The following MRRF variants were observed in gnomAD, a reference collection of about 807,000 sequenced individuals.
MRRF encodes the protein ribosome-recycling factor, mitochondrial.
In MRRF, 18 loss-of-function variants were observed where a neutral mutation model predicts 25.1. The ratio of observed to expected loss-of-function variants is 0.72; its 90% CI spans 0.50 to 1.06. The LOEUF (loss-of-function observed/expected upper bound fraction) is 1.06, where lower values mean the gene tolerates loss of function less well. Among genes scored for constraint, MRRF ranks in the 50% least tolerant of loss-of-function variants. The pLI is 0.00. For synonymous variants in MRRF, 113 were observed against 112.1 expected (o/e 1.01, Z -0.05); for missense variants, 323 against 319.3 (o/e 1.01, Z -0.09).
chr9:122,265,716 G>A (rs906980988), intron 1 of MRRF: 2 of 1,283,382 alleles, frequency 1.6e-6, no homozygotes, highest in East Asian at 5.6e-5. Flanking sequence ...TGGTAGAGCT[G>A]CCGCAAATGC....
chr9:122,265,458 A>G (rs1166747047), intron 1 of MRRF: 1 of 324,106 alleles, frequency 3.1e-6, no homozygotes, highest in Non-Finnish European at 6.1e-6. Context: ...TTTACGTTTT[A>G]CAGATGAGAC....
In MRRF at chr9:122,286,268, A is replaced by G. The variant is rs1242998446; in HGVS notation, c.459+981A>G. 6 of 1,168,952 alleles carry G rather than the reference A, an allele frequency of 5.1e-6. No individual in the cohort carries two copies. The African/African-American group carries it at 6.4e-5, about 12-fold the overall frequency. The allele number at this position is 1,168,952 out of a possible 1,614,324, so 72.4% of individuals were successfully genotyped here. A position where few individuals can be genotyped will look rare whatever the true frequency, so the allele number is the denominator to read the frequency against. ...GTATTTGACAAACTAGGCTAGAGAT[A>G]GGAGAAAGGGAAAGCCCTTGCTGTG... On this transcript the variant is annotated intron_variant, in intron 4 of 6. Coordinates refer to ENST00000344641, the MANE Select transcript of MRRF (RefSeq NM_138777.5).
At chr9:122,269,154 A>G (rs1294830109) in intron 1 of MRRF, among the ~76,000 whole-genome samples, 1 of 150,432 alleles carries the variant, frequency 6.6e-6, no homozygotes, top group Non-Finnish European at 1.5e-5. Flanking sequence ...CGACAGAGTG[A>G]GACTCTGTCT....
chr9:122,276,330 G>T (rs770721987), intron 2 of MRRF, among the ~76,000 whole-genome samples: 12 of 151,798 alleles, frequency 7.9e-5, no homozygotes, highest in Admixed American at 2.0e-4. Context: ...TTGCTTTGTT[G>T]CCTAGGCTGG....
At chr9:122,305,856 C>T (rs1022504920) in intron 5 of MRRF, among the ~76,000 whole-genome samples, 11 of 152,170 alleles carry the variant, frequency 7.2e-5, no homozygotes, top group African/African-American at 2.7e-4. Context: ...TTCCTAGGCC[C>T]TCAAACAGAG....
rs1836185747 is a variant in MRRF, at chr9:122,328,007, T to C, written c.*5390T>C. The C allele has an allele frequency of 6.6e-6, 1 of 152,178 alleles. No homozygotes were observed. Among genetic ancestry groups the C allele is most frequent in the Non-Finnish European group, 1.5e-5 (1 of 68,046 alleles). 9.4% of individuals were successfully genotyped at this position (152,178 alleles called of 1,614,324 possible). A position where few individuals can be genotyped will look rare whatever the true frequency, so the allele number is the denominator to read the frequency against. On this transcript the variant is annotated 3_prime_UTR_variant, in exon 7 of 7. Transcript: ENST00000344641. ...TTTTTTTAGACAGGGTCTTGCTCTGTCACTCAGGCTGGATTTCAGTGGCAT... is the reference window on the plus strand; with the variant it reads ...TTTTTTTAGACAGGGTCTTGCTCTGCCACTCAGGCTGGATTTCAGTGGCAT...
chr9:122,293,083 A>C (rs1009469920), intron 5 of MRRF, among the ~76,000 whole-genome samples: 2 of 152,130 alleles, frequency 1.3e-5, no homozygotes, highest in African/African-American at 4.8e-5. Flanking sequence ...TGGAATGTCA[A>C]GTGATAGTAA....
intron 4 of MRRF, among the ~76,000 whole-genome samples, chr9:122,286,824 C>A (rs1386301433): frequency 6.6e-6 from 1 of 152,176 alleles, no homozygotes; most frequent in African/African-American, 2.4e-5. Flanking sequence ...AGTCCAAAAT[C>A]CTCACTGTGG....
chr9:122,297,778 T>C (rs945524302), intron 5 of MRRF, among the ~76,000 whole-genome samples: 2 of 152,172 alleles, frequency 1.3e-5, no homozygotes, highest in African/African-American at 2.4e-5. Flanking sequence ...CATCACTGCA[T>C]AGTACTGCGC....
In MRRF at chr9:122,296,968, C is replaced by T. The variant is rs905329070; in HGVS notation, c.551+5128C>T. Among the ~76,000 whole-genome samples the T allele has an allele frequency of 1.8e-4, 27 of 152,038 alleles. No homozygotes were observed. The East Asian group carries it at 4.4e-3, about 25-fold the overall frequency. ...TTTGCATCTTTCCTTGATTGTCTTC[C>T]GATTCCTTCATCAGCGTCTCTGTTG... On this transcript the variant is annotated intron_variant, in intron 5 of 6. Transcript: ENST00000344641.
chr9:122,319,448 C>G (rs954818277), intron 6 of MRRF, among the ~76,000 whole-genome samples: 2 of 152,154 alleles, frequency 1.3e-5, no homozygotes, highest in African/African-American at 4.8e-5. Flanking sequence ...TTTATGTGAT[C>G]TTGGACAGAT....
intron 5 of MRRF, among the ~76,000 whole-genome samples, chr9:122,312,810 A>G (rs1419450968): frequency 6.6e-6 from 1 of 152,174 alleles, no homozygotes; most frequent in African/African-American, 2.4e-5. Flanking sequence ...GCTCCAGCCA[A>G]TTCCTTAAAT....
At chr9:122,285,731 C>T (rs1225890683) in intron 4 of MRRF, 7 of 1,233,562 alleles carry the variant, frequency 5.7e-6, no homozygotes, top group Middle Eastern at 3.4e-4. Flanking sequence ...TTTTATGTGA[C>T]ATCTTTATTC....
At position 122,266,293 on chromosome 9, in the gene MRRF, G is replaced by A. The variant is rs531711726; in HGVS notation, c.-29+1355G>A. On this transcript the variant is annotated intron_variant, in intron 1 of 6. Coordinates refer to ENST00000344641, the MANE Select transcript of MRRF (RefSeq NM_138777.5). The stretch of plus-strand genomic sequence containing the variant: ...TAAGTGCTATGATGAAGTAAAGGGT[G>A]CTATGAAAGCAGACTACAGGACACT... 7.2e-5 allele frequency among the ~76,000 whole-genome samples: 11 copies of A among 152,340 alleles called. No homozygotes were observed. The South Asian group carries it at 2.1e-3, about 29-fold the overall frequency.
intron 6 of MRRF, among the ~76,000 whole-genome samples, chr9:122,320,850 A>T (rs1292570728): frequency 6.6e-6 from 1 of 152,138 alleles, no homozygotes; most frequent in Non-Finnish European, 1.5e-5. Flanking sequence ...GAGCATGCAG[A>T]TCCTTGGCAC....
chr9:122,291,363 C>T (rs1230551403), intron 4 of MRRF, among the ~76,000 whole-genome samples: 2 of 152,156 alleles, frequency 1.3e-5, no homozygotes, highest in Non-Finnish European at 2.9e-5. Context: ...TGTAAAATGT[C>T]AACTGGATTT....
chr9:122,294,288 T>C (rs183861581), intron 5 of MRRF, among the ~76,000 whole-genome samples: 49 of 152,356 alleles, frequency 3.2e-4, no homozygotes, highest in Non-Finnish European at 5.0e-4. Context: ...ACATTTTTCT[T>C]TCAAAGATCT....
chr9:122,325,983 CT>C lies in MRRF; in HGVS notation c.*3378del, dbSNP rs35172657. 127 of 140,214 alleles carry C rather than the reference CT, an allele frequency of 9.1e-4. No homozygotes were observed. Among genetic ancestry groups the C allele is most frequent in the Non-Finnish European group, 1.1e-3 (71 of 64,214 alleles). 8.7% of individuals were successfully genotyped at this position (140,214 alleles called of 1,614,324 possible). A position where few individuals can be genotyped will look rare whatever the true frequency, so the allele number is the denominator to read the frequency against. ...TGCAGCTATGCACCACCACACCTGGCTTTTTTTTTTTTGCTTTGTTTCCTAG... is the reference window on the plus strand; with the variant it reads ...TGCAGCTATGCACCACCACACCTGGCTTTTTTTTTTTGCTTTGTTTCCTAG... On this transcript the variant is annotated 3_prime_UTR_variant, in exon 7 of 7. Coordinates refer to ENST00000344641, the MANE Select transcript of MRRF (RefSeq NM_138777.5).
chr9:122,317,822 T>C (rs1415957642), intron 6 of MRRF, among the ~76,000 whole-genome samples: 3 of 152,160 alleles, frequency 2.0e-5, no homozygotes, highest in Non-Finnish European at 2.9e-5. Flanking sequence ...TAAAAATGCT[T>C]CTTCAATTTT....
Sources: gnomAD v4.1 joint callset for allele counts (sites outside exome capture counted in the v4.1 genomes callset) on GRCh38, gnomAD v4.1.1 for gene constraint, MANE v1.5 for transcripts, NCBI Gene and HGNC (gene_info 2026-07-23, HGNC 2026-07-21) for gene names.